PSD3: variants seen among roughly 807,000 people sequenced by gnomAD.
The protein encoded by PSD3 is pleckstrin and Sec7 domain containing 3.
In PSD3, 49 loss-of-function variants were observed where a neutral mutation model predicts 105.5. That is an observed-to-expected ratio of 0.46 (90% CI 0.37 to 0.59). The LOEUF is 0.59. Among genes scored for constraint, PSD3 ranks in the 20% least tolerant of loss-of-function variants. The probability of loss-of-function intolerance (pLI) is 0.00; values close to 1 mark genes in which losing one functional copy is unlikely to be tolerated. For synonymous variants in PSD3, 557 were observed against 457.8 expected, an observed-to-expected ratio of 1.22 and a Z score of -2.77; for missense variants, 1,561 against 1,263.8, an observed-to-expected ratio of 1.24 and a Z score of -3.57.
intron 4 of PSD3, among the ~76,000 whole-genome samples, chr8:18,807,212 C>T (rs138643753): frequency 6.6e-6 from 1 of 152,190 alleles, no homozygotes; most frequent in Non-Finnish European, 1.5e-5. Context: ...CACTGCTCTA[C>T]CAAGGAAGCA....
intron 11 of PSD3, among the ~76,000 whole-genome samples, chr8:18,627,987 T>C (rs1806616068): frequency 6.6e-6 from 1 of 151,638 alleles, no homozygotes. Context: ...ACGGAAGATA[T>C]AAAATAGACC....
intron 1 of PSD3, among the ~76,000 whole-genome samples, chr8:19,080,078 T>G (rs1485025635): frequency 6.6e-6 from 1 of 152,086 alleles, no homozygotes; most frequent in African/African-American, 2.4e-5. Flanking sequence ...CTAGTAGAAA[T>G]GGGGTTTCAC....
intron 1 of PSD3, among the ~76,000 whole-genome samples, chr8:19,060,899 T>A (rs1828875436): frequency 6.6e-6 from 1 of 152,218 alleles, no homozygotes; most frequent in African/African-American, 2.4e-5. Context: ...TCCCTGGTTA[T>A]CTAGGCATCT....
chr8:18,819,422 A>C lies in PSD3; in HGVS notation c.1635-14524T>G, dbSNP rs185698562. Among the ~76,000 whole-genome samples the C allele has an allele frequency of 5.2e-4, 79 of 152,058 alleles. No homozygotes were observed. In the East Asian group the frequency reaches 0.012, roughly 23 times the overall value. On this transcript the variant is annotated intron_variant, in intron 4 of 15. Transcript: ENST00000327040. ...GCCAGAGATGCTACTCAATAGAAACAAAAAAAGCCCTCCCCAAACTCTTCC... is the reference window on the plus strand; with the variant it reads ...GCCAGAGATGCTACTCAATAGAAACCAAAAAAGCCCTCCCCAAACTCTTCC...
chr8:18,935,069 A>T (rs1184945000), intron 2 of PSD3, among the ~76,000 whole-genome samples: 1 of 152,174 alleles, frequency 6.6e-6, no homozygotes, highest in African/African-American at 2.4e-5. Flanking sequence ...CATCTGGAAA[A>T]TGGGGATAAC....
At chr8:18,822,712 C>T (rs1222264161) in intron 4 of PSD3, among the ~76,000 whole-genome samples, 1 of 152,148 alleles carries the variant, frequency 6.6e-6, no homozygotes, top group Non-Finnish European at 1.5e-5. Context: ...AAACAGCTTG[C>T]ACTCATGTTT....
chr8:18,890,781 G>C (rs376171497), intron 2 of PSD3, among the ~76,000 whole-genome samples: 1 of 151,668 alleles, frequency 6.6e-6, no homozygotes, highest in Non-Finnish European at 1.5e-5. Context: ...CAGAAGTGAT[G>C]TGTGTTCCCT....
intron 9 of PSD3, among the ~76,000 whole-genome samples, chr8:18,702,539 C>T (rs1263865890): frequency 3.3e-5 from 5 of 152,108 alleles, no homozygotes; most frequent in Admixed American, 6.5e-5. Context: ...GGATATTCAT[C>T]GCCTTAAACA....
intron 4 of PSD3, among the ~76,000 whole-genome samples, chr8:18,862,440 T>A (rs970215397): frequency 6.6e-6 from 1 of 150,546 alleles, no homozygotes; most frequent in Non-Finnish European, 1.5e-5. Flanking sequence ...AAGAGAAAAA[T>A]GAGAACCTCT....
upstream of PSD3, among the ~76,000 whole-genome samples, chr8:19,016,419 A>G (rs1827180673): frequency 6.6e-6 from 1 of 152,206 alleles, no homozygotes; most frequent in South Asian, 2.1e-4. Context: ...CATACAGTTA[A>G]TCCTTCCTAT....
intron 1 of PSD3, among the ~76,000 whole-genome samples, chr8:18,965,926 G>A (rs1265588196): frequency 1.3e-5 from 2 of 152,166 alleles, no homozygotes; most frequent in African/African-American, 2.4e-5. Context: ...GCTTTTCCGT[G>A]CCCATTTCCT....
chr8:18,567,849 C>G (rs1801890221), intron 14 of PSD3, among the ~76,000 whole-genome samples: 2 of 152,170 alleles, frequency 1.3e-5, no homozygotes, highest in Admixed American at 1.3e-4. Context: ...CTCCGAATCT[C>G]ATGTTGTAAT....
At chr8:18,731,876 G>C (rs1038346126) in intron 9 of PSD3, among the ~76,000 whole-genome samples, 1 of 152,144 alleles carries the variant, frequency 6.6e-6, no homozygotes, top group Non-Finnish European at 1.5e-5. Flanking sequence ...GTTTACCCTA[G>C]ATCCTTCTGC....
At chr8:18,685,850 A>C (rs935872629) in intron 9 of PSD3, among the ~76,000 whole-genome samples, 5 of 152,184 alleles carry the variant, frequency 3.3e-5, no homozygotes, top group Admixed American at 3.3e-4. Flanking sequence ...AATAAAGATA[A>C]AAATTCAAAA....
chr8:18,543,702 C>T (rs1442731495), intron 15 of PSD3, among the ~76,000 whole-genome samples: 7 of 151,780 alleles, frequency 4.6e-5, no homozygotes, highest in Admixed American at 3.3e-4. Flanking sequence ...TCAATGTCTA[C>T]GAGGGATAAA....
intron 14 of PSD3, among the ~76,000 whole-genome samples, chr8:18,564,841 G>A (rs908201129): frequency 6.6e-6 from 1 of 152,050 alleles, no homozygotes; most frequent in Non-Finnish European, 1.5e-5. Flanking sequence ...AGGGGTGGGG[G>A]TTACTTCAGC....
intron 2 of PSD3, among the ~76,000 whole-genome samples, chr8:18,933,070 G>C (rs1047243439): frequency 6.6e-6 from 1 of 152,176 alleles, no homozygotes; most frequent in Non-Finnish European, 1.5e-5. Context: ...TGTGCCCAAC[G>C]CAAGTAACCT....
chr8:18,963,822 G>C (rs1824077275), intron 1 of PSD3, among the ~76,000 whole-genome samples: 1 of 152,114 alleles, frequency 6.6e-6, no homozygotes, highest in African/African-American at 2.4e-5. Flanking sequence ...ATATGTCATT[G>C]AAAAGAGTGA....
intron 1 of PSD3, among the ~76,000 whole-genome samples, chr8:19,060,279 T>C (rs1330677171): frequency 6.6e-6 from 1 of 151,968 alleles, no homozygotes; most frequent in Non-Finnish European, 1.5e-5. Flanking sequence ...CAAGAAACAG[T>C]TTTAGGAATA....
Sources: gnomAD v4.1 joint callset for allele counts (sites outside exome capture counted in the v4.1 genomes callset) on GRCh38, gnomAD v4.1.1 for gene constraint, MANE v1.5 for transcripts, NCBI Gene and HGNC (gene_info 2026-07-23, HGNC 2026-07-21) for gene names.